PHTF2: variants seen among roughly 807,000 people sequenced by gnomAD.
PHTF2 encodes the protein putative homeodomain transcription factor 2.
PHTF2 carries 60 observed loss-of-function variants against 101.2 expected under a neutral mutation model. The ratio of observed to expected loss-of-function variants is 0.59; its 90% CI spans 0.48 to 0.73. The LOEUF (loss-of-function observed/expected upper bound fraction) is 0.73, where lower values mean the gene tolerates loss of function less well. Ranked by LOEUF, PHTF2 falls within the 30% of genes least tolerant of loss-of-function variation. PHTF2 has a pLI of 0.00. For missense variants in PHTF2, 747 were observed against 908.7 expected (o/e 0.82, Z 2.29); for synonymous variants, 311 against 307.3 (o/e 1.01, Z -0.13).
intron 12 of PHTF2, among the ~76,000 whole-genome samples, chr7:77,929,868 A>T (rs1179386042): frequency 2.0e-5 from 3 of 152,158 alleles, no homozygotes; most frequent in African/African-American, 7.2e-5. Context: ...AAAATTAATG[A>T]AATATTTTAC....
chr7:77,890,492 A>T (rs1800290739), intron 3 of PHTF2, among the ~76,000 whole-genome samples: 1 of 152,216 alleles, frequency 6.6e-6, no homozygotes, highest in South Asian at 2.1e-4. Context: ...TTTGTGTATG[A>T]AAACAAAATA....
chr7:77,948,128 C>CT (rs1279214104), intron 16 of PHTF2, among the ~76,000 whole-genome samples: 1 of 152,092 alleles, frequency 6.6e-6, no homozygotes, highest in African/African-American at 2.4e-5. Flanking sequence ...GCGTGAGCCA[C>CT]TATGCCTGGC....
At chr7:77,853,330 G>A (rs1796913658) in intron 2 of PHTF2, among the ~76,000 whole-genome samples, 1 of 148,748 alleles carries the variant, frequency 6.7e-6, no homozygotes, top group Non-Finnish European at 1.5e-5. Flanking sequence ...TTTTCTGCTT[G>A]ATCAGTTCTG....
chr7:77,943,992 ACT>A (rs1003934048), intron 16 of PHTF2, among the ~76,000 whole-genome samples: 1 of 152,010 alleles, frequency 6.6e-6, no homozygotes, highest in Non-Finnish European at 1.5e-5. Flanking sequence ...ATACAGCAAG[ACT>A]CTGTCTCCAA....
rs533601761 is a variant in PHTF2, at chr7:77,866,596, A to G, written c.147+11762A>G. 1.5e-4 allele frequency among the ~76,000 whole-genome samples: 23 copies of G among 152,156 alleles called. No individual in the cohort carries two copies. In the East Asian group the frequency reaches 1.9e-3, roughly 13 times the overall value. ...AAACCTGACGTCTCTTAAAGCCTCA[A>G]TTGTCTCGTCAGTAAAAAAAAAAAG... On this transcript the variant is annotated intron_variant, in intron 3 of 19. Transcript: ENST00000416283.
At chr7:77,833,458 T>C (rs753599570) in intron 1 of PHTF2, among the ~76,000 whole-genome samples, 10 of 152,124 alleles carry the variant, frequency 6.6e-5, no homozygotes, top group Non-Finnish European at 1.0e-4. Flanking sequence ...AAACTACCTT[T>C]AAAAAATTAA....
intron 3 of PHTF2, among the ~76,000 whole-genome samples, chr7:77,875,468 G>A (rs1465130530): frequency 1.3e-5 from 2 of 151,896 alleles, no homozygotes; most frequent in African/African-American, 2.4e-5. Context: ...TTTAAGTAAA[G>A]TAGTTGGCCC....
chr7:77,807,051 A>G (rs1233112444), intron 1 of PHTF2, among the ~76,000 whole-genome samples: 3 of 152,196 alleles, frequency 2.0e-5, no homozygotes, highest in Non-Finnish European at 4.4e-5. Context: ...TTATATACAT[A>G]TAATTTTTTA....
In PHTF2 at chr7:77,860,162, G is replaced by A. The variant is rs546327039; in HGVS notation, c.147+5328G>A. On this transcript the variant is annotated intron_variant, in intron 3 of 19. Transcript: ENST00000416283. Reference sequence around the variant, plus strand: ...TTAAAATGCTGATTGTCTCTATTGGGACCAAAAAACATTGAATATAAAAGT... The same window carrying A: ...TTAAAATGCTGATTGTCTCTATTGGAACCAAAAAACATTGAATATAAAAGT... Among the ~76,000 whole-genome samples the A allele has an allele frequency of 4.3e-4, 65 of 152,092 alleles. 1 individual carries two copies. The highest frequency in any genetic ancestry group is 1.5e-3 in the African/African-American group (63 of 41,512).
chr7:77,894,126 T>A, intron 5 of PHTF2, 133 bp downstream of exon 4: 1 of 772,602 alleles, frequency 1.3e-6, no homozygotes, highest in Non-Finnish European at 2.3e-6. Context: ...TTGGTCATTT[T>A]AAAAAAGAAG....
At chr7:77,909,939 C>T (rs1802224933) in intron 8 of PHTF2, 1 of 190,772 alleles carries the variant, frequency 5.2e-6, no homozygotes, top group East Asian at 1.3e-4. Context: ...CTTTCTTCAT[C>T]TGCAGATAAG....
intron 9 of PHTF2, among the ~76,000 whole-genome samples, chr7:77,916,101 T>C (rs2150894813): frequency 6.6e-6 from 1 of 152,236 alleles, no homozygotes; most frequent in African/African-American, 2.4e-5. Context: ...TGAGGAATGG[T>C]GATTTCAGTA....
intron 9 of PHTF2, among the ~76,000 whole-genome samples, chr7:77,919,173 G>A (rs1803212188): frequency 6.6e-6 from 1 of 152,090 alleles, no homozygotes; most frequent in African/African-American, 2.4e-5. Context: ...CTGGTTCTTC[G>A]TCCTTGTTTC....
intron 16 of PHTF2, among the ~76,000 whole-genome samples, chr7:77,947,615 G>A (rs1806167254): frequency 6.6e-6 from 1 of 151,880 alleles, no homozygotes; most frequent in Non-Finnish European, 1.5e-5. Context: ...GTTAATAGGT[G>A]GGAAGGCTCA....
At chr7:77,918,383 T>C (rs1424360152) in intron 9 of PHTF2, among the ~76,000 whole-genome samples, 3 of 152,204 alleles carry the variant, frequency 2.0e-5, no homozygotes, top group Non-Finnish European at 4.4e-5. Flanking sequence ...TCTTCTTGCA[T>C]ATACTGTCTG....
rs1425289278 is a variant in PHTF2 at position 77,901,666 on chromosome 7, TGTG to T, written c.287-92_287-90del. The T allele has an allele frequency of 2.4e-5, 13 of 533,416 alleles. No individual in the cohort carries two copies. In the Admixed American group the frequency reaches 2.8e-4, roughly 12 times the overall value. The allele number at this position is 533,416 out of a possible 1,614,324, so 33.0% of individuals were successfully genotyped here. A position where few individuals can be genotyped will look rare whatever the true frequency, so the allele number is the denominator to read the frequency against. On this transcript the variant is annotated intron_variant, in intron 6 of 19. Coordinates refer to ENST00000416283, the Ensembl canonical transcript of PHTF2. The stretch of plus-strand genomic sequence containing the variant: ...CATAGTATAATACAGAATAAAATTA[TGTG>T]GTGATGTTTTTCAAACATTGAAATT...
At chr7:77,821,208 A>T (rs776565828) in intron 1 of PHTF2, among the ~76,000 whole-genome samples, 5 of 151,610 alleles carry the variant, frequency 3.3e-5, no homozygotes, top group African/African-American at 1.2e-4. Flanking sequence ...GAAATCTGTT[A>T]TTAGTCTAAT....
At chr7:77,877,854 C>T (rs921095411) in intron 3 of PHTF2, among the ~76,000 whole-genome samples, 1 of 152,124 alleles carries the variant, frequency 6.6e-6, no homozygotes, top group Non-Finnish European at 1.5e-5. Flanking sequence ...CTGTCTCAGC[C>T]GTCTGTCTCT....
chr7:77,810,182 A>G (rs1333179843), intron 1 of PHTF2, among the ~76,000 whole-genome samples: 2 of 152,284 alleles, frequency 1.3e-5, no homozygotes, highest in East Asian at 3.9e-4. Context: ...CTCGATATAT[A>G]TATAGGTACA....
Sources: gnomAD v4.1 joint callset for allele counts (sites outside exome capture counted in the v4.1 genomes callset) on GRCh38, gnomAD v4.1.1 for gene constraint, MANE v1.5 for transcripts, NCBI Gene and HGNC (gene_info 2026-07-23, HGNC 2026-07-21) for gene names.